The following THUMPD2 variants were observed in gnomAD, a reference collection of about 807,000 sequenced individuals.
The protein encoded by THUMPD2 is THUMP domain 2 tRNA and snRNA guanosine methyltransferase, also known as U6 snRNA (guanine-N(2))-methyltransferase THUMPD2.
THUMPD2 carries 56 observed loss-of-function variants against 49.4 expected under a neutral mutation model. That is an observed-to-expected ratio of 1.13 (90% confidence interval 0.91 to 1.41). The LOEUF (loss-of-function observed/expected upper bound fraction) is 1.41. THUMPD2 is among the 40% of genes most tolerant of loss of function. The pLI, the probability that THUMPD2 is intolerant of heterozygous loss-of-function variation, is 0.00. For missense variants in THUMPD2, 709 were observed against 594.5 expected (o/e 1.19, Z -2.00); for synonymous variants, 237 against 205.2 (o/e 1.15, Z -1.32).
At chr2:39,749,865 C>A (rs182110980) in intron 8 of THUMPD2, among the ~76,000 whole-genome samples, 80 of 152,240 alleles carry the variant, frequency 5.3e-4, no homozygotes, top group African/African-American at 1.8e-3. Context: ...TTTTCTGTTC[C>A]TGCGTTAGTT....
chr2:39,752,175 T>G (rs1455300919), intron 8 of THUMPD2, among the ~76,000 whole-genome samples: 1 of 152,224 alleles, frequency 6.6e-6, no homozygotes, highest in Non-Finnish European at 1.5e-5. Flanking sequence ...CTTACAGATG[T>G]CTTACTAATT....
intron 7 of THUMPD2, 96 bp downstream of exon 7, chr2:39,755,793 C>A: frequency 1.0e-6 from 1 of 998,780 alleles, no homozygotes; most frequent in South Asian, 1.5e-5. Flanking sequence ...AAAATAATCC[C>A]CAAATAGACA....
At chr2:39,750,985 G>A (rs1040133981) in intron 8 of THUMPD2, among the ~76,000 whole-genome samples, 3 of 152,180 alleles carry the variant, frequency 2.0e-5, no homozygotes, top group Admixed American at 2.0e-4. Flanking sequence ...AATAAAAAAG[G>A]ACTTATACCA....
chr2:39,736,835 G>A lies in THUMPD2; in HGVS notation c.1412C>T (p.Pro471Leu). 1.2e-6 allele frequency: 2 copies of A among 1,614,188 alleles called. No homozygotes were observed. Among genetic ancestry groups the A allele is most frequent in the Non-Finnish European group, 1.7e-6 (2 of 1,180,032 alleles). The change falls in exon 10 of 10, where the codon CCA becomes CTA. Residue 471 changes from proline to leucine, a missense_variant. Coordinates refer to ENST00000505747, the MANE Select transcript of THUMPD2 (RefSeq NM_025264.5). ...SNHKFLDRMS[P>L]FGSLVPVECY... is the part of the protein sequence containing the mutation. ...TTCCACTGGTACCAAGGAGCCAAAT[G>A]GTGACATTCTGTCTAAGAATTTGTG...
At chr2:39,741,174 A>T (rs1279869833) in intron 9 of THUMPD2, among the ~76,000 whole-genome samples, 1 of 152,212 alleles carries the variant, frequency 6.6e-6, no homozygotes, top group Non-Finnish European at 1.5e-5. Flanking sequence ...GGAAGTCTGT[A>T]TCAAACAGCA....
chr2:39,773,833 G>C (rs764070796), intron 1 of THUMPD2, among the ~76,000 whole-genome samples: 1 of 151,946 alleles, frequency 6.6e-6, no homozygotes, highest in Non-Finnish European at 1.5e-5. Flanking sequence ...ACCAAAAGCA[G>C]CAACATTATT....
intron 1 of THUMPD2, among the ~76,000 whole-genome samples, chr2:39,778,117 G>A (rs543720399): frequency 2.6e-5 from 4 of 152,298 alleles, no homozygotes; most frequent in South Asian, 2.1e-4. Flanking sequence ...TTTCTCATCT[G>A]TTAAATGTGG....
At chr2:39,770,506 C>A (rs565609993) in intron 2 of THUMPD2, among the ~76,000 whole-genome samples, 1 of 152,054 alleles carries the variant, frequency 6.6e-6, no homozygotes, top group South Asian at 2.1e-4. Context: ...AAAAAATAAA[C>A]TGAAAAACTC....
intron 5 of THUMPD2, among the ~76,000 whole-genome samples, chr2:39,765,538 T>A (rs951887500): frequency 2.0e-5 from 3 of 152,174 alleles, no homozygotes; most frequent in East Asian, 1.9e-4. Context: ...TTTATAAATT[T>A]AAAAAAATAT....
rs1175353536 is a variant in THUMPD2, at chr2:39,736,406, T to C, written c.*329A>G. On this transcript the variant is annotated 3_prime_UTR_variant, in exon 10 of 10. Coordinates refer to ENST00000505747, the MANE Select transcript of THUMPD2 (RefSeq NM_025264.5). ...TTAAAATATCCCGTCTGGTGTTGATTGTGATACACTTAAGTGAACCCCTGA... is the reference window on the plus strand; with the variant it reads ...TTAAAATATCCCGTCTGGTGTTGATCGTGATACACTTAAGTGAACCCCTGA... 1 of 192,674 alleles carries C rather than the reference T, an allele frequency of 5.2e-6. No homozygotes were observed. The highest frequency in any genetic ancestry group is 1.0e-5 in the Non-Finnish European group (1 of 95,266). The allele number at this position is 192,674 out of a possible 1,614,324, so 11.9% of individuals were successfully genotyped here.
At chr2:39,740,359 CATTGTTGAGTAGAAAAA>C (rs995905328) in intron 9 of THUMPD2, among the ~76,000 whole-genome samples, 3 of 152,088 alleles carry the variant, frequency 2.0e-5, no homozygotes, top group African/African-American at 7.2e-5. Context: ...AGATTCATGA[CATTGTTGAGTAGAAAAA>C]AAGCAATGCT....
rs764564122 is a variant in THUMPD2 at position 39,755,419 on chromosome 2, A to G, written c.964-10T>C. ...CTACATAATACACATCCTATGGGGA[A>G]ATAAATATTTTAAGCATAAATAAAA... On this transcript the variant is annotated splice_polypyrimidine_tract_variant and intron_variant, in intron 7 of 9. Coordinates refer to ENST00000505747, the MANE Select transcript of THUMPD2 (RefSeq NM_025264.5). 1 of 1,498,646 alleles carries G rather than the reference A, an allele frequency of 6.7e-7. No homozygotes were observed. Among genetic ancestry groups the G allele is most frequent in the Non-Finnish European group, 9.0e-7 (1 of 1,105,632 alleles). 92.8% of individuals were successfully genotyped at this position (1,498,646 alleles called of 1,614,324 possible). A position where few individuals can be genotyped will look rare whatever the true frequency, so the allele number is the denominator to read the frequency against.
intron 1 of THUMPD2, among the ~76,000 whole-genome samples, chr2:39,773,022 T>C (rs1678537657): frequency 6.6e-6 from 1 of 152,050 alleles, no homozygotes; most frequent in Admixed American, 6.5e-5. Flanking sequence ...GAACAGACAA[T>C]GACATTATGG....
intron 5 of THUMPD2, among the ~76,000 whole-genome samples, chr2:39,765,197 T>G (rs10177342): frequency 0.057 from 8,652 of 152,200 alleles, 825 homozygotes; most frequent in African/African-American, 0.2. Context: ...TCTCACTCTG[T>G]CACCCACGCT....
intron 5 of THUMPD2, among the ~76,000 whole-genome samples, chr2:39,764,657 G>A (rs758998506): frequency 8.3e-4 from 127 of 152,154 alleles, no homozygotes; most frequent in Non-Finnish European, 1.6e-3. Flanking sequence ...GGGTCACCAG[G>A]TTGCAGTTTC....
chr2:39,762,668 G>A (rs1446547711), intron 5 of THUMPD2, among the ~76,000 whole-genome samples: 2 of 151,184 alleles, frequency 1.3e-5, no homozygotes, highest in African/African-American at 4.9e-5. Context: ...TTGCTTCTAC[G>A]GGGTAAGCTT....
At chr2:39,777,378 T>C (rs1426340132) in intron 1 of THUMPD2, among the ~76,000 whole-genome samples, 1 of 152,194 alleles carries the variant, frequency 6.6e-6, no homozygotes, top group Admixed American at 6.5e-5. Context: ...CATCCAATGT[T>C]CCAGGGAAGA....
chr2:39,755,397 C>G lies in THUMPD2; in HGVS notation c.976G>C (p.Val326Leu). ...AAKEWPDVYY[V>L]GADVSDSQLL... ...TGTGAGTCGCTGACATCAGCACCTACATAATACACATCCTATGGGGAAATA... is the reference window on the plus strand; with the variant it reads ...TGTGAGTCGCTGACATCAGCACCTAGATAATACACATCCTATGGGGAAATA... Residue 326 changes from valine (V) to leucine (L), a missense_variant, in exon 8 of 10, where the codon GTA becomes CTA. Transcript: ENST00000505747. 1 of 1,561,494 alleles carries G rather than the reference C, an allele frequency of 6.4e-7. No homozygotes were observed. The highest frequency in any genetic ancestry group is 1.2e-5 in the South Asian group (1 of 83,354).
chr2:39,768,564 G>T, intron 3 of THUMPD2, 63 bp from the exon 4 acceptor site: 1 of 1,329,818 alleles, frequency 7.5e-7, no homozygotes, highest in Non-Finnish European at 1.1e-6. Flanking sequence ...TTAAATGTCA[G>T]CAAAACTAAC....
Sources: allele counts gnomAD v4.1 joint callset (sites outside exome capture counted in the v4.1 genomes callset), GRCh38; gene constraint gnomAD v4.1.1; transcripts MANE v1.5; gene names NCBI Gene and HGNC (gene_info 2026-07-23, HGNC 2026-07-21).